NUP214: variants seen among roughly 807,000 people sequenced by gnomAD.
NUP214 encodes the protein nuclear pore complex protein Nup214.
Under a neutral mutation model 196.2 loss-of-function variants are expected in NUP214, and 79 were observed. The observed-to-expected ratio is 0.40, with a 90% confidence interval of 0.34 to 0.49. NUP214 has a LOEUF of 0.49. Among genes scored for constraint, NUP214 ranks in the 20% least tolerant of loss-of-function variants. The pLI is 0.58. For synonymous variants in NUP214, 1,020 were observed against 990.5 expected, an observed-to-expected ratio of 1.03 and a Z score of -0.56; for missense variants, 2,468 against 2,539.0, an observed-to-expected ratio of 0.97 and a Z score of 0.60.
chr9:131,128,236 T>C (rs1831423154), intron 2 of NUP214, 96 bp from the exon 3 acceptor site: 1 of 1,129,216 alleles, frequency 8.9e-7, no homozygotes, highest in Non-Finnish European at 1.2e-6. Context: ...TGTGTTTATG[T>C]AGATGCAAAA....
In NUP214 at chr9:131,134,911, A is replaced by G; in HGVS notation, c.845A>G (p.Lys282Arg). 6.2e-7 allele frequency: 1 copy of G among 1,613,254 alleles called. No individual in the cohort carries two copies. The highest frequency in any genetic ancestry group is 8.5e-7 in the Non-Finnish European group (1 of 1,179,424). ...VMALLPKKEE[K>R]HPEIFVNFME... Reference sequence around the variant, plus strand: ...TGTTCATTGTAGAAAAAAGAAGAAAAGCACCCAGAGATATTTGTGAACTTT... The same window carrying G: ...TGTTCATTGTAGAAAAAAGAAGAAAGGCACCCAGAGATATTTGTGAACTTT... The change falls in exon 8 of 36, where the codon AAG becomes AGG. Residue 282 changes from lysine (K) to arginine (R), a missense_variant. Lys to Arg is a conservative substitution (Grantham distance 26). This residue lies in a region of NUP214 where 392 missense variants were observed against 417.9 expected (regional missense o/e 0.94). Transcript: ENST00000359428.
intron 18 of NUP214, among the ~76,000 whole-genome samples, chr9:131,160,316 G>A (rs966257912): frequency 6.6e-6 from 1 of 152,110 alleles, no homozygotes; most frequent in Non-Finnish European, 1.5e-5. Context: ...TCTGCAAAAC[G>A]GGATTAAGGA....
chr9:131,169,056 C>CAG (rs894646315), intron 21 of NUP214, among the ~76,000 whole-genome samples: 1 of 112,660 alleles, frequency 8.9e-6, no homozygotes, highest in Non-Finnish European at 1.7e-5. Context: ...TTTTTGGAGA[C>CAG]AGAATCTCGC....
intron 32 of NUP214, among the ~76,000 whole-genome samples, chr9:131,224,171 A>T (rs182939312): frequency 6.6e-6 from 1 of 152,334 alleles, no homozygotes; most frequent in African/African-American, 2.4e-5. Context: ...TTTTTATCCC[A>T]GCATTACTAT....
chr9:131,128,759 TACATTTTGGATGTTCTTCCATTCCA>T lies in NUP214; in HGVS notation c.393+278_393+302del, dbSNP rs1831441740. The T allele has an allele frequency of 1.4e-5, 5 of 348,172 alleles. No homozygotes were observed. The South Asian group carries it at 2.4e-4, about 16-fold the overall frequency. The allele number at this position is 348,172 out of a possible 1,614,324, so 21.6% of individuals were successfully genotyped here. ...ATGAATACATAATGTCAAAAGTTCC[TACATTTTGGATGTTCTTCCATTCCA>T]AGCAGTTTAAGAATGATAATAATAG... On this transcript the variant is annotated intron_variant, in intron 3 of 35. Coordinates refer to ENST00000359428, the MANE Select transcript of NUP214 (RefSeq NM_005085.4).
At chr9:131,229,723 G>T (rs760971542) in intron 33 of NUP214, 1 of 519,018 alleles carries the variant, frequency 1.9e-6, no homozygotes, top group South Asian at 1.4e-5. Flanking sequence ...TGAGGCCCAA[G>T]GCAGGAGGAG....
In NUP214 at chr9:131,197,677, A is replaced by T; in HGVS notation, c.4183A>T (p.Thr1395Ser). 1 of 1,614,022 alleles carries T rather than the reference A, an allele frequency of 6.2e-7. No individual in the cohort carries two copies. Among genetic ancestry groups the T allele is most frequent in the South Asian group, 1.1e-5 (1 of 91,074 alleles). Residue 1395 changes from threonine (T) to serine (S), a missense_variant, in exon 29 of 36, where the codon ACC (threonine) becomes TCC (serine). Around this residue, in one of 5 missense-constraint regions of NUP214, gnomAD observed 1,801 missense variants for 1,779.4 expected, o/e 1.01. Coordinates refer to ENST00000359428, the MANE Select transcript of NUP214 (RefSeq NM_005085.4). The stretch of plus-strand genomic sequence containing the variant: ...CCCTGTGACATCCTCTGCAACCACC[A>T]CCTCAGTAGCACCACCAGCAGCCAC... The part of the protein sequence containing the change: ...EPPVTSSATT[T>S]SVAPPAATST...
Position 131,195,325 on chromosome 9 carries a change from A to C in NUP214, c.3721+31A>C, listed in dbSNP as rs1432309981. ...GACTCTGTGTTGAGTAGCATTACTC[A>C]TGTGTTTTCTCTAAATAAGTACAGG... On this transcript the variant is annotated intron_variant, in intron 28 of 35. Transcript: ENST00000359428. 5 of 1,566,844 alleles carry C rather than the reference A, an allele frequency of 3.2e-6. No homozygotes were observed. The East Asian group carries it at 1.1e-4, about 35-fold the overall frequency.
chr9:131,178,595 C>T (rs1397884970), intron 24 of NUP214, among the ~76,000 whole-genome samples, 185 bp downstream of exon 24: 2 of 152,096 alleles, frequency 1.3e-5, no homozygotes, highest in Non-Finnish European at 2.9e-5. Flanking sequence ...TTTAACTGGC[C>T]GGTGACAGTT....
rs760365117 is a variant in NUP214 at position 131,174,226 on chromosome 9, C to T, written c.3065C>T (p.Pro1022Leu). The T allele has an allele frequency of 6.8e-6, 11 of 1,613,856 alleles. No homozygotes were observed. The Admixed American group carries it at 1.7e-4, about 24-fold the overall frequency. Reference sequence around the variant, plus strand: ...CGGCACGCCCCCGTGGTTCGCACTCCTTCCATCCAGCCCAGTCTCTTGCCC... The same window carrying T: ...CGGCACGCCCCCGTGGTTCGCACTCTTTCCATCCAGCCCAGTCTCTTGCCC... ...APRHAPVVRT[P>L]SIQPSLLPHA... Residue 1022 changes from proline (P) to leucine (L), a missense_variant, in exon 22 of 36, where the codon CCT becomes CTT. Physicochemically the swap from Pro to Leu is moderately conservative, Grantham distance 98. Around this residue, in one of 5 missense-constraint regions of NUP214, gnomAD observed 1,801 missense variants for 1,779.4 expected, o/e 1.01. Coordinates refer to ENST00000359428, the MANE Select transcript of NUP214 (RefSeq NM_005085.4).
rs748333470 is a variant in NUP214, at chr9:131,144,368, A to G, written c.1383A>G (p.Ser461=). 1.2e-5 allele frequency: 20 copies of G among 1,614,034 alleles called. No homozygotes were observed. Among genetic ancestry groups the G allele is most frequent in the Non-Finnish European group, 1.6e-5 (19 of 1,180,004 alleles). ...AAAAPASLPP[S]SPAAPIATFS... ...CAGCCCCTGCCTCTCTGCCACCTTC[A>G]TCACCTGCTGCTCCCATTGCCACTT... Residue 461 remains serine, a synonymous_variant, in exon 12 of 36, where the codon TCA becomes TCG. Transcript: ENST00000359428.
intron 26 of NUP214, chr9:131,191,877 C>G (rs1020379756): frequency 2.3e-5 from 4 of 172,572 alleles, no homozygotes; most frequent in African/African-American, 9.4e-5. Flanking sequence ...AAGCATTTTC[C>G]CATACCATTG....
chr9:131,201,176 A>C (rs1176568504), intron 29 of NUP214, among the ~76,000 whole-genome samples: 1 of 150,732 alleles, frequency 6.6e-6, no homozygotes, highest in Non-Finnish European at 1.5e-5. Flanking sequence ...ATTTAAAAAG[A>C]AATAAACTTA....
Position 131,197,591 on chromosome 9 carries a change from C to T in NUP214, c.4097C>T (p.Ser1366Leu). ...SLTSTQPTKT[S>L]GVPSGFNFTA... Reference sequence around the variant, plus strand: ...ACTAGTACCCAGCCAACCAAGACGTCAGGCGTGCCCTCAGGGTTTAATTTT... The same window carrying T: ...ACTAGTACCCAGCCAACCAAGACGTTAGGCGTGCCCTCAGGGTTTAATTTT... Residue 1366 changes from serine (S) to leucine (L), a missense_variant, in exon 29 of 36, where the codon TCA becomes TTA. Around this residue, in one of 5 missense-constraint regions of NUP214, gnomAD observed 1,801 missense variants for 1,779.4 expected, o/e 1.01. Coordinates refer to ENST00000359428, the MANE Select transcript of NUP214 (RefSeq NM_005085.4). 1 of 1,614,208 alleles carries T rather than the reference C, an allele frequency of 6.2e-7. No individual in the cohort carries two copies.
intron 28 of NUP214, among the ~76,000 whole-genome samples, chr9:131,195,917 C>T (rs879314249): frequency 6.8e-6 from 1 of 146,584 alleles, no homozygotes; most frequent in Non-Finnish European, 1.5e-5. Context: ...CCCAGCTACT[C>T]AGGAGGCTGA....
At position 131,230,863 on chromosome 9, in the gene NUP214, T is replaced by C; in HGVS notation, c.6214+94T>C. The C allele has an allele frequency of 2.1e-6, 3 of 1,421,230 alleles. No individual in the cohort carries two copies. The South Asian group carries it at 4.0e-5, about 19-fold the overall frequency. 88.0% of individuals were successfully genotyped at this position (1,421,230 alleles called of 1,614,324 possible). A position where few individuals can be genotyped will look rare whatever the true frequency, so the allele number is the denominator to read the frequency against. On this transcript the variant is annotated intron_variant, in intron 34 of 35. Coordinates refer to ENST00000359428, the MANE Select transcript of NUP214 (RefSeq NM_005085.4). ...AGTATGTTTTACCTGACCAGTCTGT[T>C]TAGTATTTTAAAAGCTGACTGGGCA...
At chr9:131,213,392 C>A (rs1418412964) in intron 30 of NUP214, among the ~76,000 whole-genome samples, 1 of 152,152 alleles carries the variant, frequency 6.6e-6, no homozygotes, top group Non-Finnish European at 1.5e-5. Context: ...TCAGGCTGGT[C>A]TTGAGCTCCC....
intron 35 of NUP214, 112 bp from the exon 36 acceptor site, chr9:131,233,342 A>T (rs1834929910): frequency 4.5e-6 from 5 of 1,122,666 alleles, no homozygotes; most frequent in South Asian, 1.7e-5. Context: ...TATCAAAAAA[A>T]TAATAATAAA....
chr9:131,170,949 A>G (rs1303578778), intron 21 of NUP214, among the ~76,000 whole-genome samples: 1 of 152,094 alleles, frequency 6.6e-6, no homozygotes, highest in Non-Finnish European at 1.5e-5. Context: ...ATCTACTGAG[A>G]TGATCATATG....
Sources: allele counts gnomAD v4.1 joint callset (sites outside exome capture counted in the v4.1 genomes callset), GRCh38; gene constraint gnomAD v4.1.1; regional missense constraint gnomAD v4.1.1; transcripts MANE v1.5; gene names NCBI Gene and HGNC (gene_info 2026-07-23, HGNC 2026-07-21).